The following DEDD variants were observed in gnomAD, a reference collection of about 807,000 sequenced individuals.
DEDD encodes death effector domain-containing protein.
Under a neutral mutation model 29.2 loss-of-function variants are expected in DEDD, and 3 were observed. The observed-to-expected ratio is 0.10, with a 90% CI of 0.05 to 0.27. DEDD has a LOEUF of 0.27. Ranked by LOEUF, DEDD falls within the 10% of genes least tolerant of loss-of-function variation. The pLI is 1.00. For missense variants in DEDD, 261 were observed against 420.5 expected, an observed-to-expected ratio of 0.62 and a Z score of 3.32; for synonymous variants, 152 against 161.3, an observed-to-expected ratio of 0.94 and a Z score of 0.44.
intron 2 of DEDD, among the ~76,000 whole-genome samples, chr1:161,126,717 C>T (rs1248127270): frequency 6.6e-6 from 1 of 152,142 alleles, no homozygotes; most frequent in Non-Finnish European, 1.5e-5. Context: ...TTTCCCATCA[C>T]ATCCGCTTTT....
At chr1:161,128,126 C>A (rs1265841115) in intron 2 of DEDD, among the ~76,000 whole-genome samples, 1 of 152,116 alleles carries the variant, frequency 6.6e-6, no homozygotes, top group Non-Finnish European at 1.5e-5. Context: ...GTCCTAGATC[C>A]CAGGCTAGAT....
At chr1:161,124,036 G>A in intron 3 of DEDD, 90 bp from the exon 4 acceptor site, 12 of 1,580,386 alleles carry the variant, frequency 7.6e-6, no homozygotes, top group East Asian at 2.2e-5. Flanking sequence ...CTTACTCTAA[G>A]TACTCCCCAG....
In DEDD at chr1:161,124,290, C is replaced by T. The variant is rs748758614; in HGVS notation, c.173G>A (p.Arg58His). The T allele has an allele frequency of 9.9e-6, 16 of 1,614,226 alleles. No individual in the cohort carries two copies. The highest frequency in any genetic ancestry group is 1.4e-5 in the Non-Finnish European group (16 of 1,180,038). Reference sequence around the variant, plus strand: ...GTCACGTCCATTTCGGATGAGTCCACGCTCGTGGTCATCAATGACATCAAC... The same window carrying T: ...GTCACGTCCATTTCGGATGAGTCCATGCTCGTGGTCATCAATGACATCAAC... ...LFVDVIDDHERGLIRNGRDFL... is the reference protein window; with the variant it reads ...LFVDVIDDHEHGLIRNGRDFL... Residue 58 changes from arginine to histidine, a missense_variant, in exon 3 of 6, where the codon CGT becomes CAT. Coordinates refer to ENST00000368006, the MANE Select transcript of DEDD (RefSeq NM_032998.3).
chr1:161,122,652 C>T lies in DEDD; in HGVS notation c.581-129G>A. ...ATATCACCTGACAGCTTCTCTACCTCTTCCCCAGGACTATTTCTATGTATC... is the reference window on the plus strand; with the variant it reads ...ATATCACCTGACAGCTTCTCTACCTTTTCCCCAGGACTATTTCTATGTATC... On this transcript the variant is annotated intron_variant, in intron 5 of 5. Coordinates refer to ENST00000368006, the MANE Select transcript of DEDD (RefSeq NM_032998.3). This position sits in a 1 kb window ranked among gnomAD's most constrained non-coding sequence, Gnocchi z 4.2. The T allele has an allele frequency of 1.7e-6, 2 of 1,187,228 alleles. No homozygotes were observed. Among genetic ancestry groups the T allele is most frequent in the Non-Finnish European group, 2.3e-6 (2 of 858,312 alleles). The allele number at this position is 1,187,228 out of a possible 1,614,324, so 73.5% of individuals were successfully genotyped here.
At chr1:161,123,038 A>G (rs201370857) in intron 5 of DEDD, 37 bp downstream of exon 5, 1 of 1,614,188 alleles carries the variant, frequency 6.2e-7, no homozygotes, top group South Asian at 1.1e-5. Flanking sequence ...TTCTCCTTCA[A>G]GTCTGCTCCA....
chr1:161,126,738 CAT>C (rs1056937390), intron 2 of DEDD, among the ~76,000 whole-genome samples: 2 of 152,138 alleles, frequency 1.3e-5, no homozygotes, highest in African/African-American at 2.4e-5. Flanking sequence ...TATTCTCTAA[CAT>C]TATCAGTTTG....
In DEDD at chr1:161,123,892, G is replaced by A. The variant is rs374736648; in HGVS notation, c.380C>T (p.Thr127Ile). 3.0e-5 allele frequency: 49 copies of A among 1,613,990 alleles called. No homozygotes were observed. Among genetic ancestry groups the A allele is most frequent in the Non-Finnish European group, 3.9e-5 (46 of 1,180,040 alleles). ...YLEETSIRYV[T>I]PRALSDPEPR... The stretch of plus-strand genomic sequence containing the variant: ...TTCTGGATCACTGAGGGCTCTGGGG[G>A]TCACATAGCGAATTGATGTCTCCTC... The change falls in exon 4 of 6, where the codon ACC (threonine) becomes ATC (isoleucine). Residue 127 changes from threonine to isoleucine, a missense_variant. Thr to Ile is a moderately conservative substitution (Grantham distance 89, BLOSUM62 -1). Coordinates refer to ENST00000368006, the MANE Select transcript of DEDD (RefSeq NM_032998.3).
At chr1:161,131,754 C>G (rs1656685552) in intron 1 of DEDD, among the ~76,000 whole-genome samples, 1 of 152,118 alleles carries the variant, frequency 6.6e-6, no homozygotes, top group Non-Finnish European at 1.5e-5. Context: ...TCTGCCCTTC[C>G]CACCCTCTTA....
Position 161,122,835 on chromosome 1 carries a change from A to T in DEDD, c.580+240T>A, listed in dbSNP as rs1032000535. The T allele has an allele frequency of 1.6e-5, 12 of 771,596 alleles. No individual in the cohort carries two copies. In the African/African-American group the frequency reaches 2.1e-4, roughly 13 times the overall value. 47.8% of individuals were successfully genotyped at this position (771,596 alleles called of 1,614,324 possible). A position where few individuals can be genotyped will look rare whatever the true frequency, so the allele number is the denominator to read the frequency against. On this transcript the variant is annotated intron_variant, in intron 5 of 5. Transcript: ENST00000368006. This position sits in a 1 kb window ranked among gnomAD's most constrained non-coding sequence, Gnocchi z 4.2. Reference sequence around the variant, plus strand: ...TTTAATACTCGACTTGGCTCATCCTACAATAAGGATGTCATAACAACATCC... The same window carrying T: ...TTTAATACTCGACTTGGCTCATCCTTCAATAAGGATGTCATAACAACATCC...
At chr1:161,123,283 T>C in intron 4 of DEDD, 62 bp from the exon 5 acceptor site, 1 of 1,479,730 alleles carries the variant, frequency 6.8e-7, no homozygotes, top group South Asian at 1.1e-5. Flanking sequence ...CAAACACTTC[T>C]GTTGGAATGA....
In DEDD at chr1:161,123,157, T is replaced by G. The variant is rs1183875227; in HGVS notation, c.498A>C (p.Pro166=). 12 of 1,614,098 alleles carry G rather than the reference T, an allele frequency of 7.4e-6. No individual in the cohort carries two copies. The highest frequency in any genetic ancestry group is 9.3e-6 in the Non-Finnish European group (11 of 1,180,036). Residue 166 remains proline, a synonymous_variant, in exon 5 of 6, where the codon CCA becomes CCC. Coordinates refer to ENST00000368006, the MANE Select transcript of DEDD (RefSeq NM_032998.3). ...TCCCAAGTGTGGCTCTCCCTCGGGC[T>G]GGCCGCTTGCTACACATCTGAGGAC... ...TSGPQMCSKR[P]ARGRATLGSQ...
At chr1:161,125,845 C>A (rs1156745590) in intron 2 of DEDD, among the ~76,000 whole-genome samples, 2 of 152,186 alleles carry the variant, frequency 1.3e-5, no homozygotes, top group African/African-American at 4.8e-5. Flanking sequence ...ATGTCATTTA[C>A]CAATCCCCTA....
chr1:161,131,857 A>G (rs1656702393), intron 1 of DEDD, among the ~76,000 whole-genome samples: 1 of 151,684 alleles, frequency 6.6e-6, no homozygotes, highest in South Asian at 2.1e-4. Context: ...GAAACCCCCG[A>G]ACCTCTATCA....
intron 1 of DEDD, chr1:161,132,308 C>G (rs1345694223): frequency 1.9e-5 from 3 of 155,088 alleles, no homozygotes; most frequent in African/African-American, 7.3e-5. Context: ...TCCCCATGCC[C>G]TCACTCCTCC....
In DEDD at chr1:161,130,819, G is replaced by C. The variant is rs190086174; in HGVS notation, c.-69C>G. 6.6e-6 allele frequency: 1 copy of C among 152,034 alleles called. No individual in the cohort carries two copies. The highest frequency in any genetic ancestry group is 1.5e-5 in the Non-Finnish European group (1 of 68,008). The allele number at this position is 152,034 out of a possible 1,614,324, so 9.4% of individuals were successfully genotyped here. On this transcript the variant is annotated 5_prime_UTR_variant, in exon 2 of 6. Coordinates refer to ENST00000368006, the MANE Select transcript of DEDD (RefSeq NM_032998.3). ...ATAAAAAAGTTCCAGACTTACCTCCGCAAGAAACTTAATTTCCCAGGTCTC... is the reference window on the plus strand; with the variant it reads ...ATAAAAAAGTTCCAGACTTACCTCCCCAAGAAACTTAATTTCCCAGGTCTC...
At position 161,124,453 on chromosome 1, in the gene DEDD, G is replaced by T. The variant is rs761728836; in HGVS notation, c.10C>A (p.Leu4Ile). The change falls in exon 3 of 6, where the codon CTA (leucine) becomes ATA (isoleucine). Residue 4 changes from leucine to isoleucine, a missense_variant. By Grantham distance (5) the Leu-to-Ile change is conservative. Transcript: ENST00000368006. ...CACACCTGGCTTGCCCGCCGCTTTA[G>T]GCCCGCCATGCTGGGGGCTCAGGTA... MAG[L>I]KRRASQVWPE... The T allele has an allele frequency of 3.7e-6, 6 of 1,601,852 alleles. No homozygotes were observed. The East Asian group carries it at 1.3e-4, about 36-fold the overall frequency.
intron 2 of DEDD, 89 bp from the exon 3 acceptor site, chr1:161,124,615 G>A (rs1001560087): frequency 1.4e-6 from 2 of 1,420,742 alleles, no homozygotes; most frequent in African/African-American, 1.4e-5. Context: ...AACAATGCCT[G>A]GCACAGTATA....
intron 2 of DEDD, among the ~76,000 whole-genome samples, chr1:161,127,098 G>C (rs1053339705): frequency 6.6e-6 from 1 of 152,206 alleles, no homozygotes; most frequent in Non-Finnish European, 1.5e-5. Flanking sequence ...CTAGTGCCTA[G>C]TAATGGACAG....
intron 1 of DEDD, chr1:161,131,161 C>T (rs1656634488): frequency 6.6e-6 from 1 of 152,218 alleles, no homozygotes; most frequent in Non-Finnish European, 1.5e-5. Context: ...AGCTTCTCAT[C>T]TTCCTCCACA....
Sources: allele counts gnomAD v4.1 joint callset (sites outside exome capture counted in the v4.1 genomes callset), GRCh38; gene constraint gnomAD v4.1.1; non-coding constraint Gnocchi (gnomAD v3.1); transcripts MANE v1.5; gene names NCBI Gene and HGNC (gene_info 2026-07-23, HGNC 2026-07-21).